The following BNIP2 variants were observed in gnomAD, a reference collection of about 807,000 sequenced individuals.
BNIP2 encodes the protein BCL2/adenovirus E1B 19 kDa protein-interacting protein 2.
A neutral mutation model predicts 43.4 loss-of-function variants in BNIP2; 36 were observed. That is an observed-to-expected ratio of 0.83 (90% CI 0.64 to 1.10). The LOEUF (loss-of-function observed/expected upper bound fraction) is 1.10. BNIP2 is among the 50% of genes least tolerant of loss of function. The pLI is 0.00. For synonymous variants in BNIP2, 146 were observed against 121.0 expected (o/e 1.21, Z -1.35); for missense variants, 417 against 374.1 (o/e 1.11, Z -0.95).
chr15:59,669,450 T>G (rs1450353993), intron 7 of BNIP2, 88 bp from the exon 8 acceptor site: 1 of 908,398 alleles, frequency 1.1e-6, no homozygotes, highest in Non-Finnish European at 1.6e-6. Context: ...AAAATAATAG[T>G]TGAAAAATCT....
At chr15:59,665,687 G>A (rs1190073296) in intron 9 of BNIP2, among the ~76,000 whole-genome samples, 1 of 152,102 alleles carries the variant, frequency 6.6e-6, no homozygotes, top group African/African-American at 2.4e-5. Flanking sequence ...CAAAATTTAC[G>A]CATGTGGGCA....
chr15:59,675,359 C>T (rs1360336140), intron 5 of BNIP2, among the ~76,000 whole-genome samples: 1 of 151,988 alleles, frequency 6.6e-6, no homozygotes, highest in African/African-American at 2.4e-5. Context: ...GCCTGTAATC[C>T]CAGCACTTCA....
chr15:59,688,920 C>T (rs1894202755), intron 1 of BNIP2: 1 of 1,458,796 alleles, frequency 6.9e-7, no homozygotes, highest in South Asian at 1.4e-5. Context: ...CTGCCAAATA[C>T]AAACAGGACC....
At chr15:59,671,374 C>G in intron 6 of BNIP2, 60 bp from the exon 7 acceptor site, 2 of 1,447,354 alleles carry the variant, frequency 1.4e-6, no homozygotes, top group Admixed American at 4.3e-5. Flanking sequence ...GAACTAGGTT[C>G]TCTAAATTGT....
chr15:59,687,091 C>T (rs1054064196), intron 1 of BNIP2, among the ~76,000 whole-genome samples: 10 of 152,024 alleles, frequency 6.6e-5, no homozygotes, highest in Admixed American at 2.0e-4. Context: ...TGAGTTCTCT[C>T]GAAATTGTGA....
chr15:59,666,658 ACT>A (rs1211518001), intron 9 of BNIP2, among the ~76,000 whole-genome samples: 1 of 152,140 alleles, frequency 6.6e-6, no homozygotes, highest in Non-Finnish European at 1.5e-5. Flanking sequence ...CAAGAGTGAA[ACT>A]CTGTCTCAAA....
intron 1 of BNIP2, among the ~76,000 whole-genome samples, chr15:59,686,387 AT>A (rs59283336): frequency 0.081 from 12,344 of 152,106 alleles, 800 homozygotes; most frequent in East Asian, 0.29. Context: ...TGTCTCTACA[AT>A]TTTTTTTAAG....
At position 59,662,740 on chromosome 15, in the gene BNIP2, A is replaced by G. The variant is rs1339719282; in HGVS notation, c.*1329T>C. ...TTACAGGAAGGGTTGAAGAGTAGCC[A>G]TGACCTTCAAATTTGGAAGGTATTA... On this transcript the variant is annotated 3_prime_UTR_variant, in exon 10 of 10. Transcript: ENST00000607373. 6.6e-6 allele frequency: 1 copy of G among 152,248 alleles called. No homozygotes were observed. The highest frequency in any genetic ancestry group is 1.5e-5 in the Non-Finnish European group (1 of 68,036). 9.4% of individuals were successfully genotyped at this position (152,248 alleles called of 1,614,324 possible).
chr15:59,679,579 G>C lies in BNIP2; in HGVS notation c.295+13C>G. On this transcript the variant is annotated intron_variant, in intron 4 of 9. Transcript: ENST00000607373. Reference sequence around the variant, plus strand: ...ATTAATAAAGATCAGATTAAAAACAGTGAAACATTTACCTTCCCACTCAAA... The same window carrying C: ...ATTAATAAAGATCAGATTAAAAACACTGAAACATTTACCTTCCCACTCAAA... 6.2e-7 allele frequency: 1 copy of C among 1,608,722 alleles called. No homozygotes were observed. Among genetic ancestry groups the C allele is most frequent in the South Asian group, 1.1e-5 (1 of 90,088 alleles).
intron 4 of BNIP2, chr15:59,678,517 A>G: frequency 9.3e-7 from 1 of 1,077,208 alleles, no homozygotes; most frequent in Non-Finnish European, 1.1e-6. Flanking sequence ...ATTAACTGTA[A>G]TACCAGATAG....
chr15:59,687,499 G>C (rs1410317746), intron 1 of BNIP2, among the ~76,000 whole-genome samples: 4 of 151,862 alleles, frequency 2.6e-5, no homozygotes, highest in African/African-American at 9.7e-5. Context: ...TTGCAGGCAC[G>C]AGCGACCATG....
At position 59,678,916 on chromosome 15, in the gene BNIP2, C is replaced by G. The variant is rs1893480633; in HGVS notation, c.295+676G>C. On this transcript the variant is annotated intron_variant, in intron 4 of 9. Coordinates refer to ENST00000607373, the MANE Select transcript of BNIP2 (RefSeq NM_004330.4). ...TATCTTTACAAAGTATTGCTTACTA[C>G]TGGACTGTTTATTGAACCAGTAAAA... The G allele has an allele frequency of 2.4e-6, 3 of 1,232,520 alleles. No individual in the cohort carries two copies. The Middle Eastern group carries it at 7.1e-4, about 292-fold the overall frequency. 76.3% of individuals were successfully genotyped at this position (1,232,520 alleles called of 1,614,324 possible).
intron 7 of BNIP2, 68 bp downstream of exon 7, chr15:59,671,111 AAAAC>A: frequency 7.2e-7 from 1 of 1,392,888 alleles, no homozygotes; most frequent in Non-Finnish European, 9.5e-7. Flanking sequence ...ATAGCAACGA[AAAAC>A]AAAGTTTGAT....
intron 5 of BNIP2, among the ~76,000 whole-genome samples, chr15:59,674,094 AAAAAAACAAAAAC>A (rs1398439142): frequency 6.7e-6 from 1 of 149,566 alleles, no homozygotes; most frequent in African/African-American, 2.5e-5. Flanking sequence ...GGGTCTCAAA[AAAAAAACAAAAAC>A]AAAAACAAAA....
intron 5 of BNIP2, among the ~76,000 whole-genome samples, chr15:59,675,667 G>C (rs1456658907): frequency 6.6e-6 from 1 of 152,124 alleles, no homozygotes; most frequent in South Asian, 2.1e-4. Context: ...ACTTCTACAA[G>C]AATGTTCAAA....
At chr15:59,676,993 T>C in intron 5 of BNIP2, 1 of 1,613,704 alleles carries the variant, frequency 6.2e-7, no homozygotes, top group Middle Eastern at 1.7e-4. Flanking sequence ...TGCTTGGTTA[T>C]CTCCATTTTG....
At position 59,662,009 on chromosome 15, in the gene BNIP2, T is replaced by C. The variant is rs1158078703; in HGVS notation, c.*2060A>G. 1 of 152,228 alleles carries C rather than the reference T, an allele frequency of 6.6e-6. No individual in the cohort carries two copies. Among genetic ancestry groups the C allele is most frequent in the African/African-American group, 2.4e-5 (1 of 41,462 alleles). 9.4% of individuals were successfully genotyped at this position (152,228 alleles called of 1,614,324 possible). ...TTTAATGTTTAACAGAATAGTCTTC[T>C]ACTTTTAAAAAAAATTCAGAAAAAC... On this transcript the variant is annotated 3_prime_UTR_variant, in exon 10 of 10. Transcript: ENST00000607373.
At chr15:59,674,470 G>A (rs1893142022) in intron 5 of BNIP2, among the ~76,000 whole-genome samples, 1 of 152,202 alleles carries the variant, frequency 6.6e-6, no homozygotes, top group African/African-American at 2.4e-5. Flanking sequence ...TGAACTAGCT[G>A]AATAATGTAT....
At chr15:59,675,021 C>G (rs891836272) in intron 5 of BNIP2, among the ~76,000 whole-genome samples, 1 of 149,468 alleles carries the variant, frequency 6.7e-6, no homozygotes, top group Non-Finnish European at 1.5e-5. Context: ...GAGGCTGAGG[C>G]GGGCAGATCA....
Sources: gnomAD v4.1 joint callset for allele counts (sites outside exome capture counted in the v4.1 genomes callset) on GRCh38, gnomAD v4.1.1 for gene constraint, MANE v1.5 for transcripts, NCBI Gene and HGNC (gene_info 2026-07-23, HGNC 2026-07-21) for gene names.